Variants in CHCHD6 observed in about 807,000 individuals in gnomAD.
CHCHD6 encodes the protein coiled-coil-helix-coiled-coil-helix domain containing 6, also known as MICOS complex subunit MIC25.
Under a neutral mutation model 32.3 loss-of-function variants are expected in CHCHD6, and 28 were observed. The ratio of observed to expected loss-of-function variants is 0.87; its 90% CI spans 0.64 to 1.19. The LOEUF (loss-of-function observed/expected upper bound fraction) is 1.19, where lower values mean the gene tolerates loss of function less well. CHCHD6 is among the 50% of genes most tolerant of loss of function. The pLI is 0.00. For missense variants in CHCHD6, 333 were observed against 307.0 expected, an observed-to-expected ratio of 1.08 and a Z score of -0.63; for synonymous variants, 122 against 117.5, an observed-to-expected ratio of 1.04 and a Z score of -0.25.
chr3:126,875,027 G>T lies in CHCHD6; in HGVS notation c.495+22297G>T, dbSNP rs571075919. Reference sequence around the variant, plus strand: ...TGTTCTCTCTACCTTGTCCTGACCAGTGTCCCCTTTAAGACTCAGCCTAGC... The same window carrying T: ...TGTTCTCTCTACCTTGTCCTGACCATTGTCCCCTTTAAGACTCAGCCTAGC... On this transcript the variant is annotated intron_variant, in intron 5 of 7. Transcript: ENST00000290913. 5.3e-5 allele frequency among the ~76,000 whole-genome samples: 8 copies of T among 152,344 alleles called. No homozygotes were observed. The East Asian group carries it at 1.5e-3, about 29-fold the overall frequency.
chr3:126,818,974 AG>A (rs1270413466), intron 4 of CHCHD6, among the ~76,000 whole-genome samples: 2 of 152,234 alleles, frequency 1.3e-5, no homozygotes, highest in Non-Finnish European at 2.9e-5. Context: ...GCAGTGCAGC[AG>A]GTCAGCTTGA....
chr3:126,733,894 A>C (rs1382630590), intron 4 of CHCHD6, among the ~76,000 whole-genome samples: 1 of 152,198 alleles, frequency 6.6e-6, no homozygotes, highest in African/African-American at 2.4e-5. Context: ...TGACTAATTC[A>C]GTGGCTCACT....
At chr3:126,748,534 G>T (rs908416424) in intron 4 of CHCHD6, among the ~76,000 whole-genome samples, 15 of 151,672 alleles carry the variant, frequency 9.9e-5, no homozygotes, top group Middle Eastern at 3.4e-3. Flanking sequence ...GGCGGAGGTG[G>T]CGGTGAGCCG....
chr3:126,796,407 T>TC (rs986133636), intron 4 of CHCHD6, among the ~76,000 whole-genome samples: 3 of 152,176 alleles, frequency 2.0e-5, no homozygotes, highest in South Asian at 4.2e-4. Flanking sequence ...AAGGTTCTTT[T>TC]CCCCCCGGGA....
rs536671872 is a variant in CHCHD6, at chr3:126,852,870, C to T, written c.495+140C>T. ...AGATGCCAGTCACTCCTTGGACATGCCCTCCTGCATTCTGCAGCAGGCACC... is the reference window on the plus strand; with the variant it reads ...AGATGCCAGTCACTCCTTGGACATGTCCTCCTGCATTCTGCAGCAGGCACC... On this transcript the variant is annotated intron_variant, in intron 5 of 7. Coordinates refer to ENST00000290913, the MANE Select transcript of CHCHD6 (RefSeq NM_032343.3). 3.5e-5 allele frequency: 22 copies of T among 624,936 alleles called. No homozygotes were observed. The East Asian group carries it at 6.0e-4, about 17-fold the overall frequency. The allele number at this position is 624,936 out of a possible 1,614,324, so 38.7% of individuals were successfully genotyped here.
At chr3:126,815,472 T>C (rs540269434) in intron 4 of CHCHD6, among the ~76,000 whole-genome samples, 1 of 152,298 alleles carries the variant, frequency 6.6e-6, no homozygotes, top group South Asian at 2.1e-4. Context: ...CTCCACCTCG[T>C]TGTCTAAGCT....
At chr3:126,897,978 G>A (rs551703058) in intron 5 of CHCHD6, among the ~76,000 whole-genome samples, 1 of 152,322 alleles carries the variant, frequency 6.6e-6, no homozygotes, top group East Asian at 1.9e-4. Context: ...GGAAACTCCT[G>A]CAGGGTCTCC....
intron 5 of CHCHD6, among the ~76,000 whole-genome samples, chr3:126,874,447 G>T (rs2077515244): frequency 6.6e-6 from 1 of 152,176 alleles, no homozygotes; most frequent in Non-Finnish European, 1.5e-5. Flanking sequence ...CCGTCAGGAT[G>T]TGTACCATGT....
chr3:126,884,038 A>G (rs1469161350), intron 5 of CHCHD6, among the ~76,000 whole-genome samples: 1 of 151,622 alleles, frequency 6.6e-6, no homozygotes, highest in Non-Finnish European at 1.5e-5. Flanking sequence ...TTTGGGGAGT[A>G]AAATACTCAT....
intron 4 of CHCHD6, among the ~76,000 whole-genome samples, chr3:126,847,846 C>T (rs1284861186): frequency 1.3e-5 from 2 of 152,074 alleles, no homozygotes; most frequent in African/African-American, 4.8e-5. Context: ...ACTCTGGCTT[C>T]CGTCCTCCTT....
intron 5 of CHCHD6, among the ~76,000 whole-genome samples, chr3:126,865,101 A>ACCACCACCTCCTTTT (rs1942229851): frequency 1.3e-4 from 13 of 99,212 alleles, no homozygotes; most frequent in African/African-American, 8.9e-4. Flanking sequence ...CTCCTCCTCC[A>ACCACCACCTCCTTTT]CCACCACCTC....
chr3:126,861,134 A>C (rs148276691), intron 5 of CHCHD6, among the ~76,000 whole-genome samples: 2 of 152,242 alleles, frequency 1.3e-5, no homozygotes, highest in African/African-American at 4.8e-5. Context: ...AGCCTGCTGT[A>C]ACATATCCTT....
chr3:126,833,358 A>G (rs1169145486), intron 4 of CHCHD6, among the ~76,000 whole-genome samples: 2 of 152,136 alleles, frequency 1.3e-5, no homozygotes, highest in Non-Finnish European at 2.9e-5. Flanking sequence ...CTTTCCAGAA[A>G]CTCAATACCT....
intron 1 of CHCHD6, among the ~76,000 whole-genome samples, chr3:126,705,296 T>G (rs1349679956): frequency 1.3e-5 from 2 of 152,266 alleles, no homozygotes; most frequent in East Asian, 3.8e-4. Flanking sequence ...TTGCGTTTAC[T>G]GCTAGAGTGT....
chr3:126,897,292 G>C lies in CHCHD6; in HGVS notation c.496-17388G>C, dbSNP rs74791722. 3.3e-3 allele frequency among the ~76,000 whole-genome samples: 506 copies of C among 152,256 alleles called. 5 individuals carry two copies. The highest frequency in any genetic ancestry group is 0.011 in the African/African-American group (472 of 41,550). The stretch of plus-strand genomic sequence containing the variant: ...CTCTAAGTACTATGACCATGGACAA[G>C]GTTCTCTTCACAAGCATGCCATGGT... On this transcript the variant is annotated intron_variant, in intron 5 of 7. Transcript: ENST00000290913.
At chr3:126,834,078 A>G (rs1004893904) in intron 4 of CHCHD6, among the ~76,000 whole-genome samples, 28 of 150,170 alleles carry the variant, frequency 1.9e-4, no homozygotes, top group Admixed American at 2.0e-4. Flanking sequence ...AAAAAAAAAA[A>G]GAATTACCAA....
At chr3:126,954,616 C>G (rs2078758686) in intron 6 of CHCHD6, among the ~76,000 whole-genome samples, 1 of 152,236 alleles carries the variant, frequency 6.6e-6, no homozygotes, top group Admixed American at 6.5e-5. Flanking sequence ...TTCCCCTGAG[C>G]CACTCACCAT....
intron 4 of CHCHD6, among the ~76,000 whole-genome samples, chr3:126,814,534 T>C (rs1413914865): frequency 1.3e-5 from 2 of 152,210 alleles, no homozygotes; most frequent in African/African-American, 2.4e-5. Flanking sequence ...AAATGGCCAA[T>C]GGTTTAATCA....
At chr3:126,812,621 G>C (rs1427806549) in intron 4 of CHCHD6, among the ~76,000 whole-genome samples, 1 of 151,358 alleles carries the variant, frequency 6.6e-6, no homozygotes, top group East Asian at 1.9e-4. Context: ...TAGTAGAGGT[G>C]GGGTTTTGCC....
Sources: gnomAD v4.1 joint callset for allele counts (sites outside exome capture counted in the v4.1 genomes callset) on GRCh38, gnomAD v4.1.1 for gene constraint, MANE v1.5 for transcripts, NCBI Gene and HGNC (gene_info 2026-07-23, HGNC 2026-07-21) for gene names.